COBLL1: variants seen among roughly 807,000 people sequenced by gnomAD.
The protein encoded by COBLL1 is cordon-bleu WH2 repeat protein like 1, also known as cordon-bleu protein-like 1.
In COBLL1, 50 loss-of-function variants were observed where a neutral mutation model predicts 94.8. The ratio of observed to expected loss-of-function variants is 0.53; its 90% CI spans 0.42 to 0.67. The LOEUF is 0.67. Ranked by LOEUF, COBLL1 falls within the 30% of genes least tolerant of loss-of-function variation. COBLL1 has a pLI of 0.00. For missense variants in COBLL1, 1,362 were observed against 1,348.7 expected, an observed-to-expected ratio of 1.01 and a Z score of -0.15; for synonymous variants, 448 against 473.8, an observed-to-expected ratio of 0.95 and a Z score of 0.71.
intron 3 of COBLL1, among the ~76,000 whole-genome samples, chr2:164,740,629 C>A (rs1017287124): frequency 6.6e-6 from 1 of 152,158 alleles, no homozygotes; most frequent in African/African-American, 2.4e-5. Context: ...AAATGCCTAC[C>A]ACATTGCAAG....
At chr2:164,677,870 C>A (rs975280064), downstream of COBLL1, among the ~76,000 whole-genome samples, 1 of 152,152 alleles carries the variant, frequency 6.6e-6, no homozygotes, top group South Asian at 2.1e-4. Flanking sequence ...AGTGTTTGTA[C>A]TAATTGATAC....
intron 2 of COBLL1, among the ~76,000 whole-genome samples, chr2:164,782,504 T>C (rs1688765117): frequency 6.6e-6 from 1 of 152,034 alleles, no homozygotes; most frequent in East Asian, 1.9e-4. Flanking sequence ...AGCAGATTAG[T>C]AGATGCCAGG....
At chr2:164,742,718 C>G (rs1015414467) in intron 3 of COBLL1, among the ~76,000 whole-genome samples, 1 of 152,080 alleles carries the variant, frequency 6.6e-6, no homozygotes, top group African/African-American at 2.4e-5. Flanking sequence ...TTTAAATAAT[C>G]TGTAAAGTTA....
chr2:164,782,521 G>A (rs544859195), intron 2 of COBLL1, among the ~76,000 whole-genome samples: 147 of 152,228 alleles, frequency 9.7e-4, no homozygotes, highest in Non-Finnish European at 1.9e-3. Context: ...CAGGGGCTGA[G>A]GAAGAAAGGG....
intron 2 of COBLL1, among the ~76,000 whole-genome samples, chr2:164,751,465 G>T (rs1687121971): frequency 6.6e-6 from 1 of 152,014 alleles, no homozygotes; most frequent in African/African-American, 2.4e-5. Context: ...AAACTTGGTG[G>T]GTTGCTGAGA....
rs565675623 is a variant in COBLL1, at chr2:164,701,800, G to T, written c.1226-1044C>A. ...GGAAGTAAATGTAAGCCAGAGTGAG[G>T]TTCTGGATTTTTGCTAAATATAATT... On this transcript the variant is annotated intron_variant, in intron 9 of 13. Coordinates refer to ENST00000652658, the MANE Select transcript of COBLL1 (RefSeq NM_001365672.2). Among the ~76,000 whole-genome samples the T allele has an allele frequency of 1.1e-3, 158 of 147,574 alleles. 3 individuals carry two copies. The South Asian group carries it at 0.033, about 31-fold the overall frequency.
At chr2:164,833,464 T>TC (rs1464835861) in intron 2 of COBLL1, among the ~76,000 whole-genome samples, 7 of 149,494 alleles carry the variant, frequency 4.7e-5, no homozygotes, top group Non-Finnish European at 7.5e-5. Context: ...TTTTTTTTTT[T>TC]TCCTGAGACG....
At chr2:164,773,880 T>A in intron 2 of COBLL1, 1 of 278,662 alleles carries the variant, frequency 3.6e-6, no homozygotes, top group Non-Finnish European at 6.1e-6. Flanking sequence ...TCACTGGTCT[T>A]ATCCAATCAT....
At position 164,665,348 on chromosome 2, in the gene COBLL1, AAG is replaced by A. The variant is rs1241380993; in HGVS notation, n.181+497_181+498del. Reference sequence around the variant, plus strand: ...TCTGTGTCAAAAAAAAAAAGAAAGAAAGAAAGAAAGAAAGAAAGAATGAATAG... The same window carrying A: ...TCTGTGTCAAAAAAAAAAAGAAAGAAAAAGAAAGAAAGAAAGAATGAATAG... On this transcript the variant is annotated intron_variant and non_coding_transcript_variant, in intron 2 of 2. Coordinates refer to the COBLL1 transcript ENST00000495084. 2.7e-3 allele frequency among the ~76,000 whole-genome samples: 405 copies of A among 149,278 alleles called. 4 individuals carry two copies. The highest frequency in any genetic ancestry group is 0.016 in the East Asian group (81 of 5,112).
chr2:164,823,609 T>C (rs186671097), intron 2 of COBLL1, among the ~76,000 whole-genome samples: 4 of 152,324 alleles, frequency 2.6e-5, no homozygotes, highest in Admixed American at 1.3e-4. Flanking sequence ...ACTAAGTGTA[T>C]AATTATACAC....
intron 3 of COBLL1, among the ~76,000 whole-genome samples, chr2:164,736,305 GCTCT>G (rs763878996): frequency 1.8e-4 from 27 of 152,106 alleles, no homozygotes; most frequent in Admixed American, 3.9e-4. Context: ...ATGAAGCAGT[GCTCT>G]CTCTGTGTGT....
At chr2:164,796,405 A>G (rs1683460284) in intron 2 of COBLL1, among the ~76,000 whole-genome samples, 1 of 152,190 alleles carries the variant, frequency 6.6e-6, no homozygotes, top group African/African-American at 2.4e-5. Context: ...GCAGAGAAAA[A>G]TCAGTTCACA....
At chr2:164,665,746 A>T (rs948072286) in intron 2 of COBLL1, 1 of 152,182 alleles carries the variant, frequency 6.6e-6, no homozygotes, top group Admixed American at 6.5e-5. Flanking sequence ...GAGGAAGAGT[A>T]TGTGGGTTTT....
rs909228158 is a variant in COBLL1, at chr2:164,684,119, C to T, written c.*1827G>A. Reference sequence around the variant, plus strand: ...CGTTTTTGCTAATTTGATGTGGTACCTTTCCATGTTTTTAACTTGTATTTC... The same window carrying T: ...CGTTTTTGCTAATTTGATGTGGTACTTTTCCATGTTTTTAACTTGTATTTC... On this transcript the variant is annotated 3_prime_UTR_variant, in exon 14 of 14. Transcript: ENST00000652658. 1 of 152,032 alleles carries T rather than the reference C, an allele frequency of 6.6e-6. No individual in the cohort carries two copies. The highest frequency in any genetic ancestry group is 2.4e-5 in the African/African-American group (1 of 41,394). The allele number at this position is 152,032 out of a possible 1,614,324, so 9.4% of individuals were successfully genotyped here.
chr2:164,721,055 T>G (rs755693028), intron 7 of COBLL1, among the ~76,000 whole-genome samples: 1 of 152,258 alleles, frequency 6.6e-6, no homozygotes, highest in Non-Finnish European at 1.5e-5. Flanking sequence ...TCTATCTCTT[T>G]GAGTTGCATG....
chr2:164,757,321 A>G (rs1437422329), intron 2 of COBLL1, among the ~76,000 whole-genome samples: 1 of 152,234 alleles, frequency 6.6e-6, no homozygotes, highest in Non-Finnish European at 1.5e-5. Flanking sequence ...TTCAAAAAAT[A>G]AATGTTCAAT....
intron 2 of COBLL1, among the ~76,000 whole-genome samples, chr2:164,830,238 T>C (rs1683011661): frequency 6.6e-6 from 1 of 152,164 alleles, no homozygotes; most frequent in Admixed American, 6.5e-5. Context: ...CTTCCAAATA[T>C]CCATGGGATG....
At chr2:164,818,081 C>A (rs1559044983) in intron 2 of COBLL1, among the ~76,000 whole-genome samples, 1 of 151,284 alleles carries the variant, frequency 6.6e-6, no homozygotes, top group Non-Finnish European at 1.5e-5. Flanking sequence ...ATATGTACAT[C>A]ATGTATATAT....
At chr2:164,687,566 C>G (rs1683366101) in intron 13 of COBLL1, 4 of 1,214,592 alleles carry the variant, frequency 3.3e-6, no homozygotes, top group Non-Finnish European at 4.8e-6. Context: ...TGGGGTTTTC[C>G]AAAGGCACCT....
Sources: gnomAD v4.1 joint callset for allele counts (sites outside exome capture counted in the v4.1 genomes callset) on GRCh38, gnomAD v4.1.1 for gene constraint, MANE v1.5 for transcripts, NCBI Gene and HGNC (gene_info 2026-07-23, HGNC 2026-07-21) for gene names.